The following F10 variants were observed in gnomAD, a reference collection of about 807,000 sequenced individuals.
F10 encodes Stuart-Prower factor.
F10 carries 29 observed loss-of-function variants against 37.1 expected under a neutral mutation model. The ratio of observed to expected loss-of-function variants is 0.78; its 90% CI spans 0.58 to 1.07. F10 has a LOEUF of 1.07. Ranked by LOEUF, F10 falls within the 50% of genes least tolerant of loss-of-function variation. The probability of loss-of-function intolerance (pLI) is 0.00; values close to 1 mark genes in which losing one functional copy is unlikely to be tolerated. For synonymous variants in F10, 262 were observed against 268.6 expected (o/e 0.98, Z 0.24); for missense variants, 539 against 667.9 (o/e 0.81, Z 2.13).
chr13:113,135,254 A>AT (rs1360683365), intron 2 of F10, among the ~76,000 whole-genome samples: 1 of 152,118 alleles, frequency 6.6e-6, no homozygotes, highest in Non-Finnish European at 1.5e-5. Context: ...CAAAAAAAAA[A>AT]AAACAAAAGA....
rs1252634748 is a variant in F10, at chr13:113,149,074, T to C, written c.1024T>C (p.Cys342Arg). Residue 342 changes from cysteine (C) to arginine (R), a missense_variant, in exon 8 of 8, where the codon TGC (cysteine) becomes CGC (arginine). This residue lies in a region of F10 where 409 missense variants were observed against 547.9 expected (regional missense o/e 0.75). Transcript: ENST00000375559. This position sits in a 1 kb window ranked among gnomAD's most constrained non-coding sequence, Gnocchi z 7.5. ...CTTCCGCATGAACGTGGCGCCTGCC[T>C]GCCTCCCCGAGCGTGACTGGGCCGA... ...ITFRMNVAPA[C>R]LPERDWAEST... The C allele has an allele frequency of 6.2e-7, 1 of 1,613,204 alleles. No individual in the cohort carries two copies. The highest frequency in any genetic ancestry group is 1.1e-5 in the South Asian group (1 of 91,068).
At position 113,146,477 on chromosome 13, in the gene F10, G is replaced by A. The variant is rs2036583905; in HGVS notation, c.748-902G>A. ...GGCTCACTGGAGGGGCCCTCGCCCA[G>A]CCTGTTGAGGTTTGCGATTCTTGTT... On this transcript the variant is annotated intron_variant, in intron 6 of 7. Coordinates refer to ENST00000375559, the MANE Select transcript of F10 (RefSeq NM_000504.4). This position sits in a 1 kb window ranked among gnomAD's most constrained non-coding sequence, Gnocchi z 4.5. Among the ~76,000 whole-genome samples, 1 of 152,198 alleles carries A rather than the reference G, an allele frequency of 6.6e-6. No individual in the cohort carries two copies. The highest frequency in any genetic ancestry group is 1.5e-5 in the Non-Finnish European group (1 of 68,032).
intron 1 of F10, among the ~76,000 whole-genome samples, chr13:113,124,253 T>C (rs2036349241): frequency 6.6e-6 from 1 of 152,104 alleles, no homozygotes; most frequent in Non-Finnish European, 1.5e-5. Flanking sequence ...AGGGTGGGGA[T>C]GAGAAGACAG....
At chr13:113,129,894 T>C (rs2036413347) in intron 2 of F10, 4 of 465,700 alleles carry the variant, frequency 8.6e-6, no homozygotes, top group Non-Finnish European at 1.2e-5. Context: ...TTAAGTTCTA[T>C]TTAAAAATAA....
chr13:113,141,198 C>A lies in F10; in HGVS notation c.502+148C>A. 2 of 1,163,498 alleles carry A rather than the reference C, an allele frequency of 1.7e-6. No individual in the cohort carries two copies. Among genetic ancestry groups the A allele is most frequent in the Non-Finnish European group, 2.4e-6 (2 of 819,240 alleles). 72.1% of individuals were successfully genotyped at this position (1,163,498 alleles called of 1,614,324 possible). A position where few individuals can be genotyped will look rare whatever the true frequency, so the allele number is the denominator to read the frequency against. ...CAAGAGGACAGGACTGAGCCCTGGG[C>A]TCCGGGCCCAGGTGGTTCAAACATG... On this transcript the variant is annotated intron_variant, in intron 5 of 7. Coordinates refer to ENST00000375559, the MANE Select transcript of F10 (RefSeq NM_000504.4). This position sits in a 1 kb window ranked among gnomAD's most constrained non-coding sequence, Gnocchi z 5.4.
At position 113,136,564 on chromosome 13, in the gene F10, T is replaced by C. The variant is rs1171990185; in HGVS notation, c.232-1893T>C. 2.0e-5 allele frequency among the ~76,000 whole-genome samples: 3 copies of C among 151,592 alleles called. No homozygotes were observed. In the East Asian group the frequency reaches 5.8e-4, roughly 29 times the overall value. ...CCTCCTCCTCTCAGGTTCAAGTGAT[T>C]CTCCTGCCTCAGCCTCCCAAGTAGC... On this transcript the variant is annotated intron_variant, in intron 2 of 7. Transcript: ENST00000375559.
At chr13:113,142,978 C>T (rs1049222666) in intron 5 of F10, among the ~76,000 whole-genome samples, 1 of 151,944 alleles carries the variant, frequency 6.6e-6, no homozygotes, top group Non-Finnish European at 1.5e-5. Context: ...GAACTCAGAA[C>T]TTGGAAGGGT....
In F10 at chr13:113,144,881, A is replaced by ATT. The variant is rs61190666; in HGVS notation, c.747+800_747+801dup. Reference sequence around the variant, plus strand: ...GGCGCCCGCTACTTACGCCTGGCTAATTTTTTTTTTTTTTTGAGACGGAGT... The same window carrying ATT: ...GGCGCCCGCTACTTACGCCTGGCTAATTTTTTTTTTTTTTTTTGAGACGGAGT... On this transcript the variant is annotated intron_variant, in intron 6 of 7. Transcript: ENST00000375559. This position sits in a 1 kb window ranked among gnomAD's most constrained non-coding sequence, Gnocchi z 6.4. Among the ~76,000 whole-genome samples the ATT allele has an allele frequency of 6.4e-5, 8 of 125,842 alleles. No homozygotes were observed. Among genetic ancestry groups the ATT allele is most frequent in the African/African-American group, 1.8e-4 (6 of 33,266 alleles). 82.6% of individuals were successfully genotyped at this position (125,842 alleles called of 152,430 possible). A position where few individuals can be genotyped will look rare whatever the true frequency, so the allele number is the denominator to read the frequency against.
At position 113,143,289 on chromosome 13, in the gene F10, T is replaced by G. The variant is rs1024026347; in HGVS notation, c.503-562T>G. Reference sequence around the variant, plus strand: ...AGCTTCCTAACATCTCGGCGTGGCCTCTCTGGGAGCTGTGCTATTCCAGAC... The same window carrying G: ...AGCTTCCTAACATCTCGGCGTGGCCGCTCTGGGAGCTGTGCTATTCCAGAC... On this transcript the variant is annotated intron_variant, in intron 5 of 7. Transcript: ENST00000375559. This position sits in a 1 kb window ranked among gnomAD's most constrained non-coding sequence, Gnocchi z 6.8. Among the ~76,000 whole-genome samples, 9 of 152,134 alleles carry G rather than the reference T, an allele frequency of 5.9e-5. No individual in the cohort carries two copies.
Position 113,141,114 on chromosome 13 carries a change from G to A in F10, c.502+64G>A, listed in dbSNP as rs552285575. On this transcript the variant is annotated intron_variant, in intron 5 of 7. Coordinates refer to ENST00000375559, the MANE Select transcript of F10 (RefSeq NM_000504.4). This position sits in a 1 kb window ranked among gnomAD's most constrained non-coding sequence, Gnocchi z 5.4. ...GGGCCGGGCCAGGGAGGACAAGCCC[G>A]TGCCAGGGGGTGGGGACACAGGCAT... 2.9e-5 allele frequency: 47 copies of A among 1,602,418 alleles called. No individual in the cohort carries two copies. The East Asian group carries it at 4.0e-4, about 14-fold the overall frequency.
chr13:113,135,374 C>A lies in F10; in HGVS notation c.232-3083C>A, dbSNP rs1277191655. ...TTATAAACAGAATAAGGTTATTGCTCACAGTTATGGAGGCTGGGAAGTCCT... is the reference window on the plus strand; with the variant it reads ...TTATAAACAGAATAAGGTTATTGCTAACAGTTATGGAGGCTGGGAAGTCCT... On this transcript the variant is annotated intron_variant, in intron 2 of 7. Coordinates refer to ENST00000375559, the MANE Select transcript of F10 (RefSeq NM_000504.4). 3.3e-5 allele frequency among the ~76,000 whole-genome samples: 5 copies of A among 152,140 alleles called. No individual in the cohort carries two copies. In the South Asian group the frequency reaches 8.3e-4, roughly 25 times the overall value.
At chr13:113,140,356 C>T (rs2036516199) in intron 4 of F10, among the ~76,000 whole-genome samples, 1 of 152,130 alleles carries the variant, frequency 6.6e-6, no homozygotes, top group African/African-American at 2.4e-5. Context: ...GCTGGGATTA[C>T]AGGCGTGAGG....
intron 1 of F10, among the ~76,000 whole-genome samples, chr13:113,126,232 C>T (rs1039859188): frequency 6.6e-6 from 1 of 152,116 alleles, no homozygotes; most frequent in African/African-American, 2.4e-5. Context: ...CTTGCATCAC[C>T]CTTTCCACCC....
At position 113,146,032 on chromosome 13, in the gene F10, G is replaced by A. The variant is rs1034589412; in HGVS notation, c.748-1347G>A. On this transcript the variant is annotated intron_variant, in intron 6 of 7. Coordinates refer to ENST00000375559, the MANE Select transcript of F10 (RefSeq NM_000504.4). The surrounding 1 kb of genome is among the most constrained non-coding windows in gnomAD (Gnocchi z 4.5). Reference sequence around the variant, plus strand: ...TCCTACAAGCAAGAATCTCAGAGCTGCCAGCGCCCCCATGAATTCCCCCAG... The same window carrying A: ...TCCTACAAGCAAGAATCTCAGAGCTACCAGCGCCCCCATGAATTCCCCCAG... Among the ~76,000 whole-genome samples, 2 of 152,190 alleles carry A rather than the reference G, an allele frequency of 1.3e-5. No individual in the cohort carries two copies. The highest frequency in any genetic ancestry group is 2.9e-5 in the Non-Finnish European group (2 of 68,050).
intron 2 of F10, among the ~76,000 whole-genome samples, chr13:113,133,033 A>G (rs1471228172): frequency 6.6e-6 from 1 of 152,232 alleles, no homozygotes; most frequent in Non-Finnish European, 1.5e-5. Flanking sequence ...GTAAGAAAGT[A>G]TTTTGAGCTG....
In F10 at chr13:113,144,582, A is replaced by G; in HGVS notation, c.747+487A>G. 6.6e-6 allele frequency among the ~76,000 whole-genome samples: 1 copy of G among 152,392 alleles called. No homozygotes were observed. The highest frequency in any genetic ancestry group is 1.9e-4 in the East Asian group (1 of 5,190). On this transcript the variant is annotated intron_variant, in intron 6 of 7. Transcript: ENST00000375559. The surrounding 1 kb of genome is among the most constrained non-coding windows in gnomAD (Gnocchi z 6.4). ...CTCTTCTGTTTGACGGGAGGCAGAA[A>G]GAGTTGGTGTCCTCGCTTCATTTCT...
rs575530478 is a variant in F10, at chr13:113,141,173, C to T, written c.502+123C>T. ...CGGGCCTGGCAGGTAACAGTGACAC[C>T]AAGAGGACAGGACTGAGCCCTGGGC... is the stretch of plus-strand genomic sequence containing the variant. On this transcript the variant is annotated intron_variant, in intron 5 of 7. Coordinates refer to ENST00000375559, the MANE Select transcript of F10 (RefSeq NM_000504.4). The surrounding 1 kb of genome is among the most constrained non-coding windows in gnomAD (Gnocchi z 5.4). 1.4e-6 allele frequency: 2 copies of T among 1,396,504 alleles called. No individual in the cohort carries two copies. The allele number at this position is 1,396,504 out of a possible 1,614,324, so 86.5% of individuals were successfully genotyped here. A position where few individuals can be genotyped will look rare whatever the true frequency, so the allele number is the denominator to read the frequency against.
chr13:113,133,743 A>C (rs2036454524), intron 2 of F10, among the ~76,000 whole-genome samples: 1 of 152,214 alleles, frequency 6.6e-6, no homozygotes, highest in South Asian at 2.1e-4. Context: ...ACGTAACAAT[A>C]TCTCTCATGA....
intron 6 of F10, among the ~76,000 whole-genome samples, chr13:113,145,960 T>C (rs1016460768): frequency 2.6e-5 from 4 of 152,144 alleles, no homozygotes; most frequent in Admixed American, 6.6e-5. Flanking sequence ...TCTCTGGCAA[T>C]CCTCACTTGG....
Sources: gnomAD v4.1 joint callset for allele counts (sites outside exome capture counted in the v4.1 genomes callset) on GRCh38, gnomAD v4.1.1 for gene constraint, gnomAD v4.1.1 regional missense constraint, Gnocchi (gnomAD v3.1) non-coding constraint, MANE v1.5 for transcripts, NCBI Gene and HGNC (gene_info 2026-07-23, HGNC 2026-07-21) for gene names.